The following METTL5 variants were observed in gnomAD, a reference collection of about 807,000 sequenced individuals.
METTL5 encodes the protein methyltransferase 5, N6-adenosine, also known as rRNA N(6)-adenosine-methyltransferase METTL5.
Under a neutral mutation model 26.5 loss-of-function variants are expected in METTL5, and 28 were observed. That is an observed-to-expected ratio of 1.06 (90% CI 0.78 to 1.45). The LOEUF (loss-of-function observed/expected upper bound fraction) is 1.45, where lower values mean the gene tolerates loss of function less well. Among genes scored for constraint, METTL5 ranks in the 40% most tolerant of loss-of-function variants. METTL5 has a pLI of 0.00. For missense variants in METTL5, 231 were observed against 249.9 expected (o/e 0.92, Z 0.51); for synonymous variants, 86 against 82.6 (o/e 1.04, Z -0.22).
At position 169,821,076 on chromosome 2, in the gene METTL5, G is replaced by A. The variant is rs747722082; in HGVS notation, c.406+16C>T. On this transcript the variant is annotated intron_variant, in intron 3 of 6. Coordinates refer to ENST00000260953, the MANE Select transcript of METTL5 (RefSeq NM_014168.4). The stretch of plus-strand genomic sequence containing the variant: ...TTTCTATAAATATACCAATATACCC[G>A]ATTCTTGTTACAAACCTTTATTATT... 16 of 1,559,496 alleles carry A rather than the reference G, an allele frequency of 1.0e-5. No individual in the cohort carries two copies. Among genetic ancestry groups the A allele is most frequent in the Admixed American group, 2.0e-5 (1 of 49,442 alleles).
chr2:169,815,356 C>T, intron 5 of METTL5, 121 bp downstream of exon 5: 1 of 648,690 alleles, frequency 1.5e-6, no homozygotes, highest in Non-Finnish European at 2.8e-6. Flanking sequence ...AATCTATTAC[C>T]AATCATGCAC....
At chr2:169,815,404 C>T (rs1266014920) in intron 5 of METTL5, 73 bp downstream of exon 5, 3 of 1,008,380 alleles carry the variant, frequency 3.0e-6, no homozygotes, top group African/African-American at 1.6e-5. Flanking sequence ...ATCTTCTCAG[C>T]ACCTGCATGA....
rs551795226 is a variant in METTL5 at position 169,817,196 on chromosome 2, G to C, written c.490-1668C>G. 4.3e-3 allele frequency among the ~76,000 whole-genome samples: 662 copies of C among 152,266 alleles called. 5 individuals carry two copies. The highest frequency in any genetic ancestry group is 0.015 in the African/African-American group (621 of 41,548). ...ACATATGAAAAAATGCTCATCATCAGTGGTCATCAGAGAAATGCAAATCAA... is the reference window on the plus strand; with the variant it reads ...ACATATGAAAAAATGCTCATCATCACTGGTCATCAGAGAAATGCAAATCAA... On this transcript the variant is annotated intron_variant, in intron 4 of 6. Coordinates refer to ENST00000260953, the MANE Select transcript of METTL5 (RefSeq NM_014168.4).
chr2:169,822,125 T>A, intron 1 of METTL5, 68 bp from the exon 2 acceptor site: 1 of 1,535,922 alleles, frequency 6.5e-7, no homozygotes, highest in Non-Finnish European at 8.7e-7. Flanking sequence ...TGCAAATGAC[T>A]CTTTCTAAAA....
chr2:169,822,276 G>C (rs2081595448), intron 1 of METTL5, among the ~76,000 whole-genome samples: 1 of 151,762 alleles, frequency 6.6e-6, no homozygotes, highest in African/African-American at 2.4e-5. Flanking sequence ...TCAAAAAATA[G>C]TCTCTGCTAG....
chr2:169,817,845 C>T (rs1270662654), intron 4 of METTL5, among the ~76,000 whole-genome samples: 1 of 152,078 alleles, frequency 6.6e-6, no homozygotes, highest in Non-Finnish European at 1.5e-5. Flanking sequence ...AGCAAACCAA[C>T]ATGGCACATG....
chr2:169,822,414 G>A, intron 1 of METTL5, among the ~76,000 whole-genome samples: 1 of 152,080 alleles, frequency 6.6e-6, no homozygotes, highest in East Asian at 1.9e-4. Context: ...CTTTGATGCT[G>A]AAATATTTTT....
At position 169,824,619 on chromosome 2, in the gene METTL5, G is replaced by C. The variant is rs1331826166; in HGVS notation, c.-22C>G. 1 of 1,568,498 alleles carries C rather than the reference G, an allele frequency of 6.4e-7. No individual in the cohort carries two copies. The highest frequency in any genetic ancestry group is 1.7e-5 in the Admixed American group (1 of 59,968). ...TCATTTTGTTTTAAAGTATGGACTC[G>C]TAGGGTTTGAAGGCACAGGATCTGC... On this transcript the variant is annotated 5_prime_UTR_variant, in exon 1 of 7. Transcript: ENST00000260953.
intron 1 of METTL5, among the ~76,000 whole-genome samples, chr2:169,823,431 A>C (rs1432427600): frequency 1.3e-5 from 2 of 152,242 alleles, no homozygotes; most frequent in African/African-American, 4.8e-5. Context: ...AGTTAAGTGT[A>C]AATACACATG....
In METTL5 at chr2:169,819,612, C is replaced by T. The variant is rs2081556818; in HGVS notation, c.438G>A (p.Leu146=). ...AATATACTGCTGTTCTTGCCATTTC[C>T]AAAGCAGTCTTTAGAAAAGCCATAT... ...GTDMAFLKTA[L]EMARTAVYSL... is the part of the protein sequence containing the mutation. The change falls in exon 4 of 7, where the codon TTG becomes TTA. Residue 146 remains leucine (L), a synonymous_variant. Coordinates refer to ENST00000260953, the MANE Select transcript of METTL5 (RefSeq NM_014168.4). 6.2e-7 allele frequency: 1 copy of T among 1,612,950 alleles called. No homozygotes were observed. Among genetic ancestry groups the T allele is most frequent in the Middle Eastern group, 1.7e-4 (1 of 5,964 alleles).
At chr2:169,816,937 T>C (rs1573969242) in intron 4 of METTL5, among the ~76,000 whole-genome samples, 1 of 152,030 alleles carries the variant, frequency 6.6e-6, no homozygotes, top group South Asian at 2.1e-4. Context: ...AATTGATAAA[T>C]GGGATCTAAT....
In METTL5 at chr2:169,821,243, GTCT is replaced by G. The variant is rs1558979416; in HGVS notation, c.252_254del (p.Glu84del). 1.2e-6 allele frequency: 2 copies of G among 1,608,810 alleles called. No individual in the cohort carries two copies. The highest frequency in any genetic ancestry group is 2.2e-5 in the East Asian group (1 of 44,624). The stretch of plus-strand genomic sequence containing the variant: ...CATTCCTATTAAATATTTCCAATGC[GTCT>G]TCATCTATGTCAAATCCAACACACA... On this transcript the variant is annotated inframe_deletion, in exon 3 of 7. Coordinates refer to ENST00000260953, the MANE Select transcript of METTL5 (RefSeq NM_014168.4).
Position 169,822,025 on chromosome 2 carries a change from C to G in METTL5, c.142G>C (p.Asp48His). Residue 48 changes from aspartate (D) to histidine (H), a missense_variant, in exon 2 of 7, where the codon GAT becomes CAT. Asp to His is a moderately conservative substitution (Grantham distance 81, BLOSUM62 -1). Coordinates refer to ENST00000260953, the MANE Select transcript of METTL5 (RefSeq NM_014168.4). ...GCAACGACTTTATTTTCAATGTCAT[C>G]ATAAGTGTTATGGATTGTATAGAGC... is the stretch of plus-strand genomic sequence containing the variant. The part of the protein sequence containing the change: ...CMLYTIHNTY[D>H]DIENKVVADL... The G allele has an allele frequency of 6.2e-7, 1 of 1,611,514 alleles. No homozygotes were observed. Among genetic ancestry groups the G allele is most frequent in the Non-Finnish European group, 8.5e-7 (1 of 1,179,790 alleles).
chr2:169,816,851 G>A (rs1275082917), intron 4 of METTL5, among the ~76,000 whole-genome samples: 1 of 152,070 alleles, frequency 6.6e-6, no homozygotes. Flanking sequence ...AGAAAACCTA[G>A]GCAATACCAT....
At position 169,821,930 on chromosome 2, in the gene METTL5, T is replaced by C. The variant is rs190528261; in HGVS notation, c.224+13A>G. 264 of 1,611,282 alleles carry C rather than the reference T, an allele frequency of 1.6e-4. 1 individual carries two copies. In the African/African-American group the frequency reaches 2.9e-3, roughly 18 times the overall value. On this transcript the variant is annotated intron_variant, in intron 2 of 6. Transcript: ENST00000260953. Reference sequence around the variant, plus strand: ...CCACCCAATACCCAAATAGCATATATTGCATTACGTACCCTGCTCCTAACA... The same window carrying C: ...CCACCCAATACCCAAATAGCATATACTGCATTACGTACCCTGCTCCTAACA...
intron 5 of METTL5, among the ~76,000 whole-genome samples, chr2:169,815,064 T>C: frequency 6.6e-6 from 1 of 152,136 alleles, no homozygotes; most frequent in Non-Finnish European, 1.5e-5. Flanking sequence ...GCTAATTTTT[T>C]ATATTTTTAG....
chr2:169,817,005 T>C (rs1456269701), intron 4 of METTL5, among the ~76,000 whole-genome samples: 2 of 152,090 alleles, frequency 1.3e-5, no homozygotes, highest in Non-Finnish European at 2.9e-5. Flanking sequence ...ACAGGCAGCC[T>C]ACAGAATGGG....
intron 1 of METTL5, among the ~76,000 whole-genome samples, chr2:169,823,177 CTG>C (rs556795550): frequency 1.3e-5 from 2 of 151,982 alleles, no homozygotes; most frequent in Non-Finnish European, 2.9e-5. Context: ...TGGGGTCTCA[CTG>C]TATTGCCCAG....
At position 169,821,969 on chromosome 2, in the gene METTL5, G is replaced by A. The variant is rs750342068; in HGVS notation, c.198C>T (p.Ser66=). The A allele has an allele frequency of 1.2e-6, 2 of 1,613,222 alleles. No homozygotes were observed. Among genetic ancestry groups the A allele is most frequent in the Non-Finnish European group, 1.7e-6 (2 of 1,179,962 alleles). Residue 66 remains serine (S), a synonymous_variant, in exon 2 of 7, where the codon AGC becomes AGT. Transcript: ENST00000260953. ...CTGCTCCTAACATTGCAGTTCCGAT[G>A]CTAAGTACTCCACAACCACATCCTA... ...ADLGCGCGVL[S]IGTAMLGAGL... is the part of the protein sequence containing the mutation.
Sources: allele counts gnomAD v4.1 joint callset (sites outside exome capture counted in the v4.1 genomes callset), GRCh38; gene constraint gnomAD v4.1.1; transcripts MANE v1.5; gene names NCBI Gene and HGNC (gene_info 2026-07-23, HGNC 2026-07-21).